The following PCDH15 variants were observed in gnomAD, a reference collection of about 807,000 sequenced individuals.
PCDH15 encodes the protein protocadherin-15.
Under a neutral mutation model 178.5 loss-of-function variants are expected in PCDH15, and 129 were observed. The observed-to-expected ratio is 0.72, with a 90% CI of 0.63 to 0.84. The LOEUF is 0.84. Among genes scored for constraint, PCDH15 ranks in the 40% least tolerant of loss-of-function variants. The pLI is 0.00. For missense variants in PCDH15, 2,230 were observed against 2,099.9 expected, an observed-to-expected ratio of 1.06 and a Z score of -1.21; for synonymous variants, 800 against 732.0, an observed-to-expected ratio of 1.09 and a Z score of -1.50.
At chr10:54,356,070 T>C (rs950315610) in intron 5 of PCDH15, among the ~76,000 whole-genome samples, 3 of 152,008 alleles carry the variant, frequency 2.0e-5, no homozygotes, top group African/African-American at 7.2e-5. Context: ...CTTTAATACT[T>C]ATTAAGTATT....
chr10:55,454,518 C>T (rs1196076273), intron 2 of PCDH15, among the ~76,000 whole-genome samples: 3 of 151,522 alleles, frequency 2.0e-5, no homozygotes, highest in African/African-American at 7.3e-5. Context: ...TGGCTCACGC[C>T]TGTAATTTCA....
At chr10:54,394,626 C>T (rs1014723041) in intron 3 of PCDH15, among the ~76,000 whole-genome samples, 7 of 152,128 alleles carry the variant, frequency 4.6e-5, no homozygotes, top group African/African-American at 7.2e-5. Context: ...AATGAAGTTT[C>T]GGGCACCATT....
intron 9 of PCDH15, among the ~76,000 whole-genome samples, chr10:54,215,513 C>T (rs10763087): frequency 0.93 from 141,213 of 152,208 alleles, 65,652 homozygotes; most frequent in East Asian, 0.98. Context: ...TATACATGAG[C>T]AAACCCCAAA....
intron 2 of PCDH15, among the ~76,000 whole-genome samples, chr10:54,617,068 A>ATT (rs35596332): frequency 1.3e-5 from 2 of 150,984 alleles, no homozygotes; most frequent in Non-Finnish European, 1.5e-5. Context: ...TTATTTATTT[A>ATT]TTTTTTTAAG....
intron 2 of PCDH15, among the ~76,000 whole-genome samples, chr10:54,981,442 G>A (rs1453843806): frequency 1.3e-5 from 2 of 151,876 alleles, no homozygotes; most frequent in African/African-American, 4.8e-5. Context: ...GGCTATTTTT[G>A]TATCCTGAAA....
At chr10:54,651,361 G>A (rs1164684112) in intron 2 of PCDH15, among the ~76,000 whole-genome samples, 1 of 152,184 alleles carries the variant, frequency 6.6e-6, no homozygotes, top group Non-Finnish European at 1.5e-5. Context: ...AAGCTTAGAT[G>A]TGGACACAAT....
chr10:53,965,428 A>G (rs912456001), intron 21 of PCDH15, among the ~76,000 whole-genome samples: 2 of 152,216 alleles, frequency 1.3e-5, no homozygotes, highest in African/African-American at 4.8e-5. Flanking sequence ...TCTTAGCTGG[A>G]AAATGCCAAA....
intron 1 of PCDH15, among the ~76,000 whole-genome samples, chr10:55,296,392 T>C (rs1843133610): frequency 6.6e-6 from 1 of 152,182 alleles, no homozygotes; most frequent in Non-Finnish European, 1.5e-5. Flanking sequence ...TCAATGCCCA[T>C]TCTCCAAAAG....
At position 55,613,000 on chromosome 10, in the gene PCDH15, A is replaced by G. The variant is rs547347656; in HGVS notation, c.-156+14625T>C. Among the ~76,000 whole-genome samples, 82 of 150,118 alleles carry G rather than the reference A, an allele frequency of 5.5e-4. 1 individual carries two copies. The South Asian group carries it at 0.016, about 29-fold the overall frequency. The stretch of plus-strand genomic sequence containing the variant: ...GTCAGAAAAGTTGAGACTCTCCAAT[A>G]CATATTTACTAGCCAGATTTTTTTT... On this transcript the variant is annotated intron_variant, in intron 2 of 5. Coordinates refer to the PCDH15 transcript ENST00000613346.
At chr10:54,210,040 A>G (rs1370930554) in intron 10 of PCDH15, among the ~76,000 whole-genome samples, 1 of 152,082 alleles carries the variant, frequency 6.6e-6, no homozygotes, top group Admixed American at 6.6e-5. Context: ...AATCAAGCTC[A>G]CTAGTTTTAA....
chr10:55,574,867 T>C (rs575064690), intron 2 of PCDH15, among the ~76,000 whole-genome samples: 9 of 152,198 alleles, frequency 5.9e-5, no homozygotes, highest in Non-Finnish European at 8.8e-5. Flanking sequence ...GTTATATTTC[T>C]GGCTCCCTTT....
intron 13 of PCDH15, among the ~76,000 whole-genome samples, chr10:54,163,683 T>C (rs1022200044): frequency 6.6e-6 from 1 of 151,998 alleles, no homozygotes; most frequent in Non-Finnish European, 1.5e-5. Flanking sequence ...AATAAATTAG[T>C]TTACTGAATC....
chr10:53,992,313 G>A (rs1006894810), intron 21 of PCDH15, among the ~76,000 whole-genome samples: 1 of 152,182 alleles, frequency 6.6e-6, no homozygotes, highest in Non-Finnish European at 1.5e-5. Flanking sequence ...TTTAAGAACT[G>A]TAACACTCAG....
chr10:54,067,710 T>G (rs2094164015), intron 17 of PCDH15, among the ~76,000 whole-genome samples: 1 of 151,968 alleles, frequency 6.6e-6, no homozygotes, highest in Admixed American at 6.6e-5. Context: ...GAAAGAATAT[T>G]AACCTGGAAA....
intron 2 of PCDH15, among the ~76,000 whole-genome samples, chr10:55,156,484 T>C (rs1838893884): frequency 1.3e-5 from 2 of 152,126 alleles, no homozygotes; most frequent in Non-Finnish European, 2.9e-5. Flanking sequence ...TTTTATGTGT[T>C]TTAACCTAAT....
chr10:54,835,252 T>A lies in PCDH15; in HGVS notation c.-29+62198A>T, dbSNP rs546676216. 7.9e-5 allele frequency among the ~76,000 whole-genome samples: 12 copies of A among 152,312 alleles called. No individual in the cohort carries two copies. In the East Asian group the frequency reaches 2.3e-3, roughly 29 times the overall value. ...CTTCATGGTCGCAATGAATTAATTC[T>A]AGAATTAATATTAATATTTTTTAAG... On this transcript the variant is annotated intron_variant, in intron 3 of 5. Transcript: ENST00000458638.
chr10:55,572,111 C>G (rs1842417167), intron 2 of PCDH15, among the ~76,000 whole-genome samples: 1 of 151,902 alleles, frequency 6.6e-6, no homozygotes, highest in Non-Finnish European at 1.5e-5. Flanking sequence ...AGTTTTCCAC[C>G]TTGGGAAACT....
intron 17 of PCDH15, among the ~76,000 whole-genome samples, chr10:54,071,700 G>A (rs897526150): frequency 1.3e-5 from 2 of 152,034 alleles, no homozygotes; most frequent in African/African-American, 4.8e-5. Flanking sequence ...GTATGTATAG[G>A]AATCAGTCAG....
chr10:53,823,013 C>G, intron 32 of PCDH15: 1 of 1,613,988 alleles, frequency 6.2e-7, no homozygotes, highest in Non-Finnish European at 8.5e-7. Context: ...TCCACAGCCT[C>G]TGAATCTTTT....
Sources: gnomAD v4.1 joint callset for allele counts (sites outside exome capture counted in the v4.1 genomes callset) on GRCh38, gnomAD v4.1.1 for gene constraint, MANE v1.5 for transcripts, NCBI Gene and HGNC (gene_info 2026-07-23, HGNC 2026-07-21) for gene names.